The following AUTS2 variants were observed in gnomAD, a reference collection of about 807,000 sequenced individuals.
AUTS2 encodes autism susceptibility gene 2 protein.
AUTS2 carries 17 observed loss-of-function variants against 112.4 expected under a neutral mutation model. The ratio of observed to expected loss-of-function variants is 0.15; its 90% CI spans 0.10 to 0.23. The LOEUF (loss-of-function observed/expected upper bound fraction) is 0.23, where lower values mean the gene tolerates loss of function less well. AUTS2 is among the 10% of genes least tolerant of loss of function. The pLI is 1.00. For synonymous variants in AUTS2, 751 were observed against 702.7 expected, an observed-to-expected ratio of 1.07 and a Z score of -1.09; for missense variants, 1,510 against 1,701.6, an observed-to-expected ratio of 0.89 and a Z score of 1.98.
intron 2 of AUTS2, among the ~76,000 whole-genome samples, chr7:69,905,406 G>A (rs1260333739): frequency 6.6e-6 from 1 of 152,076 alleles, no homozygotes; most frequent in Non-Finnish European, 1.5e-5. Flanking sequence ...GGGGCTGAGA[G>A]GTCCCATAAC....
chr7:70,136,821 C>A (rs950036681), intron 4 of AUTS2, among the ~76,000 whole-genome samples: 1 of 152,140 alleles, frequency 6.6e-6, no homozygotes, highest in African/African-American at 2.4e-5. Context: ...AATCTAGAAC[C>A]GTTTTCTTGA....
At chr7:70,316,745 C>T (rs1790016283) in intron 4 of AUTS2, among the ~76,000 whole-genome samples, 1 of 152,142 alleles carries the variant, frequency 6.6e-6, no homozygotes, top group South Asian at 2.1e-4. Flanking sequence ...AGGAGACAAT[C>T]GTTGGTGAAT....
In AUTS2 at chr7:70,724,736, C is replaced by T. The variant is rs534065966; in HGVS notation, c.742+26116C>T. ...CTGGGATTACAGGCGTGAGCCACCGCGCCCGGCCTCATCCTGACATTCTTT... is the reference window on the plus strand; with the variant it reads ...CTGGGATTACAGGCGTGAGCCACCGTGCCCGGCCTCATCCTGACATTCTTT... On this transcript the variant is annotated intron_variant, in intron 6 of 18. Transcript: ENST00000342771. 5.1e-4 allele frequency among the ~76,000 whole-genome samples: 77 copies of T among 152,292 alleles called. 3 individuals are homozygous for T. The highest frequency in any genetic ancestry group is 1.6e-3 in the African/African-American group (66 of 41,564).
intron 5 of AUTS2, among the ~76,000 whole-genome samples, chr7:70,665,290 G>T (rs1382851335): frequency 6.6e-6 from 1 of 151,718 alleles, no homozygotes; most frequent in Non-Finnish European, 1.5e-5. Context: ...CTAAGACAGG[G>T]TCTCGTTCTG....
chr7:70,021,351 T>C (rs938323155), intron 2 of AUTS2, among the ~76,000 whole-genome samples: 1 of 152,226 alleles, frequency 6.6e-6, no homozygotes, highest in African/African-American at 2.4e-5. Context: ...ATTTTAACTT[T>C]ATCAGAATTA....
At chr7:69,688,433 G>A (rs1797155438) in intron 1 of AUTS2, among the ~76,000 whole-genome samples, 1 of 152,196 alleles carries the variant, frequency 6.6e-6, no homozygotes, top group South Asian at 2.1e-4. Flanking sequence ...CAGAGTACAG[G>A]CTGTGCATAA....
chr7:70,334,374 G>A (rs544189998), intron 4 of AUTS2, among the ~76,000 whole-genome samples: 8 of 152,268 alleles, frequency 5.3e-5, no homozygotes, highest in Admixed American at 3.9e-4. Flanking sequence ...TTAAAGAGTA[G>A]GACTGATAAC....
chr7:70,509,846 A>T (rs555471405), intron 5 of AUTS2, among the ~76,000 whole-genome samples: 2 of 152,338 alleles, frequency 1.3e-5, no homozygotes, highest in South Asian at 4.1e-4. Context: ...ATACAAAAAA[A>T]GTGAGCAAGA....
In AUTS2 at chr7:70,041,847, C is replaced by T. The variant is rs189117490; in HGVS notation, c.523-76285C>T. On this transcript the variant is annotated intron_variant, in intron 2 of 18. Transcript: ENST00000342771. The stretch of plus-strand genomic sequence containing the variant: ...AGGTAATATTTTCATTCCCAGATAC[C>T]CCAGTTTTATTATCTTTTTTTGCTA... 2.5e-3 allele frequency among the ~76,000 whole-genome samples: 373 copies of T among 152,056 alleles called. 3 individuals are homozygous for T. The highest frequency in any genetic ancestry group is 8.5e-3 in the African/African-American group (353 of 41,490).
intron 6 of AUTS2, among the ~76,000 whole-genome samples, chr7:70,732,726 C>T (rs1787503067): frequency 2.6e-5 from 4 of 152,212 alleles, no homozygotes; most frequent in African/African-American, 7.2e-5. Context: ...ATTCCAAACT[C>T]TCTCAATTCT....
chr7:69,690,499 G>T (rs547398413), intron 1 of AUTS2, among the ~76,000 whole-genome samples: 37 of 152,324 alleles, frequency 2.4e-4, no homozygotes, highest in African/African-American at 8.4e-4. Context: ...GCGCAGAGCG[G>T]CAAGGGGTGT....
At chr7:69,983,514 C>CTGTG (rs35678805) in intron 2 of AUTS2, among the ~76,000 whole-genome samples, 35 of 149,006 alleles carry the variant, frequency 2.3e-4, no homozygotes, top group African/African-American at 4.4e-4. Context: ...TCGCTTTGTA[C>CTGTG]TGTGTGTGTG....
chr7:69,820,635 A>G (rs980237045), intron 1 of AUTS2, among the ~76,000 whole-genome samples: 7 of 152,242 alleles, frequency 4.6e-5, no homozygotes, highest in Admixed American at 1.3e-4. Flanking sequence ...TGGACTGTCA[A>G]TCATGTGGGA....
chr7:70,679,089 C>T (rs138414678), intron 5 of AUTS2, among the ~76,000 whole-genome samples: 3 of 152,122 alleles, frequency 2.0e-5, no homozygotes, highest in African/African-American at 7.2e-5. Flanking sequence ...TAATGAGAGA[C>T]AAAGGAAATG....
intron 1 of AUTS2, among the ~76,000 whole-genome samples, chr7:69,889,685 A>G (rs1794434173): frequency 6.6e-6 from 1 of 152,220 alleles, no homozygotes; most frequent in Non-Finnish European, 1.5e-5. Context: ...TGGTTAATTA[A>G]AGCAAGTATC....
At chr7:70,229,606 T>C (rs969560138) in intron 4 of AUTS2, among the ~76,000 whole-genome samples, 1 of 152,196 alleles carries the variant, frequency 6.6e-6, no homozygotes, top group African/African-American at 2.4e-5. Flanking sequence ...TAGATTAATG[T>C]TTTTCATTAA....
At chr7:69,882,641 A>G (rs1245230052) in intron 1 of AUTS2, among the ~76,000 whole-genome samples, 3 of 152,208 alleles carry the variant, frequency 2.0e-5, no homozygotes, top group Non-Finnish European at 4.4e-5. Flanking sequence ...CATCCTAGGC[A>G]TTACATTAAC....
chr7:69,800,459 T>C (rs1160239497), intron 1 of AUTS2, among the ~76,000 whole-genome samples: 1 of 152,234 alleles, frequency 6.6e-6, no homozygotes, highest in Non-Finnish European at 1.5e-5. Flanking sequence ...CTTTTTGGTG[T>C]CTTTTCCTGC....
At chr7:70,215,986 T>C (rs1276820321) in intron 4 of AUTS2, among the ~76,000 whole-genome samples, 1 of 152,206 alleles carries the variant, frequency 6.6e-6, no homozygotes, top group African/African-American at 2.4e-5. Context: ...GGTTGGCCCA[T>C]TGAGAATCTG....
Sources: gnomAD v4.1 joint callset for allele counts (sites outside exome capture counted in the v4.1 genomes callset) on GRCh38, gnomAD v4.1.1 for gene constraint, MANE v1.5 for transcripts, NCBI Gene and HGNC (gene_info 2026-07-23, HGNC 2026-07-21) for gene names.